Variants in EMP3 observed in about 807,000 individuals in gnomAD.
The protein encoded by EMP3 is epithelial membrane protein 3.
A neutral mutation model predicts 21.6 loss-of-function variants in EMP3; 15 were observed. That is an observed-to-expected ratio of 0.69 (90% CI 0.46 to 1.07). The LOEUF (loss-of-function observed/expected upper bound fraction) is 1.07, where lower values mean the gene tolerates loss of function less well. EMP3 is among the 50% of genes least tolerant of loss of function. The pLI, the probability that EMP3 is intolerant of heterozygous loss-of-function variation, is 0.00. For missense variants in EMP3, 183 were observed against 206.6 expected, an observed-to-expected ratio of 0.89 and a Z score of 0.70; for synonymous variants, 107 against 86.1, an observed-to-expected ratio of 1.24 and a Z score of -1.34.
Position 48,330,552 on chromosome 19 carries a change from G to C in EMP3, c.*82G>C. The C allele has an allele frequency of 1.5e-6, 2 of 1,291,830 alleles. No homozygotes were observed. Among genetic ancestry groups the C allele is most frequent in the African/African-American group, 1.5e-5 (1 of 65,192 alleles). 80.0% of individuals were successfully genotyped at this position (1,291,830 alleles called of 1,614,324 possible). ...CTCCAAAAAATAAAACCTTAACCGC[G>C]GGCTCTGCCTTGATCTTCCTTCCTT... On this transcript the variant is annotated 3_prime_UTR_variant, in exon 5 of 5. Coordinates refer to ENST00000270221, the MANE Select transcript of EMP3 (RefSeq NM_001425.3).
intron 4 of EMP3, 117 bp from the exon 5 acceptor site, chr19:48,330,184 T>C: frequency 7.1e-7 from 1 of 1,411,596 alleles, no homozygotes; most frequent in South Asian, 1.5e-5. Context: ...GAACCACAAC[T>C]CCCAGCAGGC....
Position 48,327,492 on chromosome 19 carries a change from C to T in EMP3, c.79-29C>T, listed in dbSNP as rs75558953. 5,648 of 1,555,894 alleles carry T rather than the reference C, an allele frequency of 3.6e-3. 149 individuals carry two copies. In the African/African-American group the frequency reaches 0.066, roughly 18 times the overall value. On this transcript the variant is annotated intron_variant, in intron 2 of 4. Transcript: ENST00000270221. ...TATCCCCTCTCCTTTCCTAACCCTG[C>T]CCCTTGTTTCGTTCTCTGTCCATCC...
At position 48,330,419 on chromosome 19, in the gene EMP3, C is replaced by T. The variant is rs377482803; in HGVS notation, c.441C>T (p.Pro147=). 6.2e-6 allele frequency: 10 copies of T among 1,600,144 alleles called. No individual in the cohort carries two copies. In the African/African-American group the frequency reaches 1.1e-4, roughly 17 times the overall value. The change falls in exon 5 of 5, where the codon CCC becomes CCT. Residue 147 remains proline, a synonymous_variant. Coordinates refer to ENST00000270221, the MANE Select transcript of EMP3 (RefSeq NM_001425.3). The stretch of plus-strand genomic sequence containing the variant: ...TCGCCCTGGCCTGGGTGGCCTTCCC[C>T]CTCGCCCTGGTCAGCGGCATCATCT... ...YCFALAWVAF[P]LALVSGIIYI... is the part of the protein sequence containing the mutation.
intron 1 of EMP3, chr19:48,326,110 G>A (rs75294017): frequency 0.11 from 16,676 of 151,416 alleles, 1,323 homozygotes; most frequent in East Asian, 0.2. Context: ...TTAGAGATGG[G>A]GGGGGGTGGG....
rs779998169 is a variant in EMP3, at chr19:48,330,537, T to C, written c.*67T>C. The C allele has an allele frequency of 1.9e-5, 27 of 1,422,096 alleles. No homozygotes were observed. The highest frequency in any genetic ancestry group is 1.9e-6 in the Non-Finnish European group (2 of 1,068,892). The allele number at this position is 1,422,096 out of a possible 1,614,324, so 88.1% of individuals were successfully genotyped here. A position where few individuals can be genotyped will look rare whatever the true frequency, so the allele number is the denominator to read the frequency against. On this transcript the variant is annotated 3_prime_UTR_variant, in exon 5 of 5. Transcript: ENST00000270221. ...CCCTCGCCGCGCGTCCTCCAAAAAA[T>C]AAAACCTTAACCGCGGGCTCTGCCT...
At chr19:48,326,112 G>T (rs1004299670) in intron 1 of EMP3, 2 of 151,314 alleles carry the variant, frequency 1.3e-5, no homozygotes, top group African/African-American at 4.9e-5. Flanking sequence ...AGAGATGGGG[G>T]GGGGTGGGGA....
chr19:48,326,427 G>A (rs1053538368), intron 1 of EMP3, among the ~76,000 whole-genome samples: 1 of 151,900 alleles, frequency 6.6e-6, no homozygotes, highest in Non-Finnish European at 1.5e-5. Context: ...TCCTCCCTGA[G>A]AGACCCAGGA....
At position 48,329,588 on chromosome 19, in the gene EMP3, C is replaced by G. The variant is rs941901488; in HGVS notation, c.322+96C>G. On this transcript the variant is annotated intron_variant, in intron 4 of 4. Coordinates refer to ENST00000270221, the MANE Select transcript of EMP3 (RefSeq NM_001425.3). The surrounding 1 kb of genome is among the most constrained non-coding windows in gnomAD (Gnocchi z 4.5). ...CTGGGGGCCCTGAGAATGGGCCTCT[C>G]GTAGAAAAAAACAACTTTCAACACC... 6.7e-7 allele frequency: 1 copy of G among 1,499,996 alleles called. No individual in the cohort carries two copies. The highest frequency in any genetic ancestry group is 9.0e-7 in the Non-Finnish European group (1 of 1,113,820). 92.9% of individuals were successfully genotyped at this position (1,499,996 alleles called of 1,614,324 possible).
chr19:48,330,321 G>C lies in EMP3; in HGVS notation c.343G>C (p.Ala115Pro). The C allele has an allele frequency of 6.3e-7, 1 of 1,594,130 alleles. No individual in the cohort carries two copies. Among genetic ancestry groups the C allele is most frequent in the Non-Finnish European group, 8.5e-7 (1 of 1,170,950 alleles). ...CGCAGGCGTGGCGGTGTTTACTGGC[G>C]CCTTGATCTATGCCATTCACGCCGA... The part of the protein sequence containing the change: ...LCTSVAVFTG[A>P]LIYAIHAEEI... Residue 115 changes from alanine (A) to proline (P), a missense_variant, in exon 5 of 5, where the codon GCC becomes CCC. Transcript: ENST00000270221.
At position 48,326,912 on chromosome 19, in the gene EMP3, C is replaced by T. The variant is rs750471426; in HGVS notation, c.68C>T (p.Thr23Ile). ...ILILILLFVA[T>I]LDKSWWTLPG... ...ATTCTTATACTGCTTTTCGTGGCCA[C>T]TTTGGACAAGGTAAGCCTACTTGGA... Residue 23 changes from threonine to isoleucine, a missense_variant, in exon 2 of 5, where the codon ACT becomes ATT. Physicochemically the swap from Thr to Ile is moderately conservative, Grantham distance 89. Coordinates refer to ENST00000270221, the MANE Select transcript of EMP3 (RefSeq NM_001425.3). 1 of 1,614,082 alleles carries T rather than the reference C, an allele frequency of 6.2e-7. No homozygotes were observed. Among genetic ancestry groups the T allele is most frequent in the Non-Finnish European group, 8.5e-7 (1 of 1,179,954 alleles).
intron 3 of EMP3, among the ~76,000 whole-genome samples, chr19:48,328,804 T>G (rs540414179): frequency 6.6e-6 from 1 of 152,270 alleles, no homozygotes; most frequent in Admixed American, 6.5e-5. Flanking sequence ...GTAAACATGT[T>G]GTTTATGTAG....
At chr19:48,325,784 C>T (rs1969113514) in intron 1 of EMP3, among the ~76,000 whole-genome samples, 174 bp downstream of exon 1, 1 of 151,740 alleles carries the variant, frequency 6.6e-6, no homozygotes, top group African/African-American at 2.4e-5. Flanking sequence ...GGGTGGGGCC[C>T]GGCAAAGTTT....
In EMP3 at chr19:48,326,493, A is replaced by ATTT. The variant is rs34741493; in HGVS notation, c.-15-324_-15-322dup. On this transcript the variant is annotated intron_variant, in intron 1 of 4. Transcript: ENST00000270221. ...GACATCTCACCTGCCTTTATGCCAA[A>ATTT]TTTTTTTTTTTTTTTGAGACGGAGT... 1.3e-3 allele frequency among the ~76,000 whole-genome samples: 192 copies of ATTT among 144,460 alleles called. 1 individual carries two copies. Among genetic ancestry groups the ATTT allele is most frequent in the Middle Eastern group, 3.5e-3 (1 of 288 alleles). The allele number at this position is 144,460 out of a possible 152,430, so 94.8% of individuals were successfully genotyped here.
intron 1 of EMP3, among the ~76,000 whole-genome samples, chr19:48,326,493 ATT>A (rs34741493): frequency 2.8e-5 from 4 of 144,384 alleles, no homozygotes. Flanking sequence ...TTTATGCCAA[ATT>A]TTTTTTTTTT....
Position 48,327,553 on chromosome 19 carries a change from G to C in EMP3, c.111G>C (p.Leu37=). Residue 37 remains leucine (L), a synonymous_variant, in exon 3 of 5, where the codon CTG becomes CTC. Transcript: ENST00000270221. The part of the protein sequence containing the change: ...SWWTLPGKES[L]NLWYDCTWNN... ...GGACTCTCCCTGGGAAAGAGTCCCT[G>C]AATCTCTGGTACGACTGCACGTGGA... 1 of 1,613,822 alleles carries C rather than the reference G, an allele frequency of 6.2e-7. No homozygotes were observed. The highest frequency in any genetic ancestry group is 8.5e-7 in the Non-Finnish European group (1 of 1,179,950).
At chr19:48,326,449 T>C (rs758192848) in intron 1 of EMP3, among the ~76,000 whole-genome samples, 2 of 151,488 alleles carry the variant, frequency 1.3e-5, no homozygotes, top group African/African-American at 4.9e-5. Context: ...TCTGCACCCA[T>C]GCCCTTCCTC....
At position 48,329,514 on chromosome 19, in the gene EMP3, C is replaced by A. The variant is rs781015012; in HGVS notation, c.322+22C>A. 2 of 1,613,702 alleles carry A rather than the reference C, an allele frequency of 1.2e-6. No homozygotes were observed. The highest frequency in any genetic ancestry group is 1.7e-6 in the Non-Finnish European group (2 of 1,179,724). ...ACCAGTGAGCACTGCCCCTCCCCAA[C>A]CCTAATCCCCCAAGAATTGAGCAGA... On this transcript the variant is annotated intron_variant, in intron 4 of 4. Coordinates refer to ENST00000270221, the MANE Select transcript of EMP3 (RefSeq NM_001425.3). This position sits in a 1 kb window ranked among gnomAD's most constrained non-coding sequence, Gnocchi z 4.5.
In EMP3 at chr19:48,329,504, C is replaced by T. The variant is rs759000615; in HGVS notation, c.322+12C>T. The T allele has an allele frequency of 8.7e-6, 14 of 1,613,850 alleles. No individual in the cohort carries two copies. In the South Asian group the frequency reaches 9.9e-5, roughly 11 times the overall value. On this transcript the variant is annotated intron_variant, in intron 4 of 4. Coordinates refer to ENST00000270221, the MANE Select transcript of EMP3 (RefSeq NM_001425.3). This position sits in a 1 kb window ranked among gnomAD's most constrained non-coding sequence, Gnocchi z 4.5. ...CCAGCTTTGCACCAGTGAGCACTGC[C>T]CCTCCCCAACCCTAATCCCCCAAGA...
intron 2 of EMP3, 75 bp downstream of exon 2, chr19:48,326,997 T>G (rs1381874326): frequency 1.6e-6 from 2 of 1,233,160 alleles, no homozygotes; most frequent in Non-Finnish European, 2.4e-6. Flanking sequence ...AAAGGCATTC[T>G]GGCCCCACCC....
Sources: allele counts gnomAD v4.1 joint callset (sites outside exome capture counted in the v4.1 genomes callset), GRCh38; gene constraint gnomAD v4.1.1; non-coding constraint Gnocchi (gnomAD v3.1); transcripts MANE v1.5; gene names NCBI Gene and HGNC (gene_info 2026-07-23, HGNC 2026-07-21).